Variants in FHIT observed in about 807,000 individuals in gnomAD.
FHIT encodes bis(5'-adenosyl)-triphosphatase.
FHIT carries 19 observed loss-of-function variants against 17.9 expected under a neutral mutation model. That is an observed-to-expected ratio of 1.06 (90% CI 0.74 to 1.56). FHIT has a LOEUF of 1.56. FHIT is among the 40% of genes most tolerant of loss of function. The pLI, the probability that FHIT is intolerant of heterozygous loss-of-function variation, is 0.00. For missense variants in FHIT, 248 were observed against 189.2 expected (o/e 1.31, Z -1.82); for synonymous variants, 81 against 69.7 (o/e 1.16, Z -0.81).
intron 5 of FHIT, among the ~76,000 whole-genome samples, chr3:60,523,966 A>G (rs2035474892): frequency 6.6e-6 from 1 of 152,164 alleles, no homozygotes; most frequent in Non-Finnish European, 1.5e-5. Context: ...CTGGTGTGAG[A>G]ACTTACCACA....
intron 4 of FHIT, among the ~76,000 whole-genome samples, chr3:60,669,785 A>G (rs1376599177): frequency 1.3e-5 from 2 of 152,206 alleles, no homozygotes; most frequent in African/African-American, 4.8e-5. Flanking sequence ...GCTGGGGCTC[A>G]GAAATAGGAA....
At chr3:61,009,988 T>G (rs1460230651) in intron 3 of FHIT, among the ~76,000 whole-genome samples, 1 of 152,110 alleles carries the variant, frequency 6.6e-6, no homozygotes, top group Non-Finnish European at 1.5e-5. Flanking sequence ...TGCAGAAGAT[T>G]TACATTAACA....
At chr3:59,817,562 T>TAA (rs10691937) in intron 8 of FHIT, among the ~76,000 whole-genome samples, 49,929 of 93,456 alleles carry the variant, frequency 0.53, 12,847 homozygotes, top group Middle Eastern at 0.69. Context: ...CACCCGTCAC[T>TAA]AAAAAAAAAA....
At chr3:60,182,848 A>T (rs900740306) in intron 5 of FHIT, among the ~76,000 whole-genome samples, 44 of 151,892 alleles carry the variant, frequency 2.9e-4, no homozygotes, top group Admixed American at 2.7e-3. Flanking sequence ...TATTCTCTAT[A>T]AATGCTGCCA....
chr3:60,058,411 G>C (rs212000), intron 5 of FHIT, among the ~76,000 whole-genome samples: 7 of 152,120 alleles, frequency 4.6e-5, no homozygotes, highest in Non-Finnish European at 7.4e-5. Flanking sequence ...TTACAGGCGT[G>C]AGCCACCGTG....
intron 4 of FHIT, among the ~76,000 whole-genome samples, chr3:60,786,453 T>C (rs1328069289): frequency 6.6e-6 from 1 of 152,182 alleles, no homozygotes; most frequent in Admixed American, 6.5e-5. Flanking sequence ...ATGGAGATGG[T>C]TCAAATGCTA....
At chr3:60,660,303 G>T (rs764914263) in intron 4 of FHIT, among the ~76,000 whole-genome samples, 2 of 152,154 alleles carry the variant, frequency 1.3e-5, no homozygotes, top group Non-Finnish European at 2.9e-5. Context: ...TCAGAGAACA[G>T]ATTCCTGATT....
At chr3:60,300,466 G>A (rs1300185561) in intron 5 of FHIT, among the ~76,000 whole-genome samples, 1 of 152,038 alleles carries the variant, frequency 6.6e-6, no homozygotes. Context: ...TACTAGCCTT[G>A]CATCTCTAAA....
At chr3:60,938,914 T>A (rs1201335638) in intron 3 of FHIT, among the ~76,000 whole-genome samples, 1 of 152,254 alleles carries the variant, frequency 6.6e-6, no homozygotes, top group Non-Finnish European at 1.5e-5. Context: ...GGTTAAAATA[T>A]GTTCATTGTA....
intron 5 of FHIT, among the ~76,000 whole-genome samples, chr3:60,401,001 AAC>A (rs1701636531): frequency 6.6e-6 from 1 of 152,106 alleles, no homozygotes; most frequent in African/African-American, 2.4e-5. Context: ...CTTTACAGAG[AAC>A]AGTTCAAAAC....
intron 5 of FHIT, among the ~76,000 whole-genome samples, chr3:60,142,622 C>G (rs1700086606): frequency 1.3e-5 from 2 of 152,024 alleles, no homozygotes; most frequent in African/African-American, 4.8e-5. Flanking sequence ...CTGCCTCAGC[C>G]ACCCAAGTAG....
intron 5 of FHIT, among the ~76,000 whole-genome samples, chr3:60,332,497 T>C (rs1284877886): frequency 3.3e-5 from 5 of 152,082 alleles, no homozygotes; most frequent in African/African-American, 7.2e-5. Context: ...GCAACAGAAA[T>C]AGACAAACTA....
chr3:61,181,126 G>C (rs1335126013), intron 2 of FHIT, among the ~76,000 whole-genome samples: 1 of 152,144 alleles, frequency 6.6e-6, no homozygotes, highest in African/African-American at 2.4e-5. Flanking sequence ...TTGGGGACAT[G>C]AGAAGCCTAA....
intron 4 of FHIT, among the ~76,000 whole-genome samples, chr3:60,801,344 C>T (rs1185898461): frequency 6.6e-6 from 1 of 152,214 alleles, no homozygotes; most frequent in Non-Finnish European, 1.5e-5. Context: ...TCAGGTCACA[C>T]TTGCCCTAAC....
intron 1 of FHIT, among the ~76,000 whole-genome samples, chr3:61,204,332 G>C (rs1183291526): frequency 6.6e-6 from 1 of 152,062 alleles, no homozygotes; most frequent in Non-Finnish European, 1.5e-5. Flanking sequence ...AGAGGTATCT[G>C]GACAATCAGT....
intron 4 of FHIT, among the ~76,000 whole-genome samples, chr3:60,631,880 A>G (rs2039452705): frequency 1.3e-5 from 2 of 152,172 alleles, no homozygotes; most frequent in South Asian, 4.1e-4. Flanking sequence ...TTCTTCTGAG[A>G]TGAAACATGA....
intron 3 of FHIT, among the ~76,000 whole-genome samples, chr3:60,864,446 A>G (rs1305328785): frequency 1.3e-5 from 2 of 152,180 alleles, no homozygotes; most frequent in African/African-American, 4.8e-5. Flanking sequence ...TCATTGCAGA[A>G]GGGTGAGGAG....
At chr3:59,867,063 T>C (rs2106879366) in intron 8 of FHIT, among the ~76,000 whole-genome samples, 1 of 150,320 alleles carries the variant, frequency 6.7e-6, no homozygotes, top group South Asian at 2.1e-4. Context: ...CACCCTCTTT[T>C]ACAACCACAC....
Position 60,898,285 on chromosome 3 carries a change from T to TA in FHIT, c.-110-76275dup, listed in dbSNP as rs529187532. ...AACCAAATATTGTGCTCTTAGGATT[T>TA]AAAAAAAATATCGTAAACAACTCTG... On this transcript the variant is annotated intron_variant, in intron 3 of 9. Coordinates refer to ENST00000492590, the MANE Select transcript of FHIT (RefSeq NM_002012.4). Among the ~76,000 whole-genome samples, 18 of 152,102 alleles carry TA rather than the reference T, an allele frequency of 1.2e-4. No homozygotes were observed. The South Asian group carries it at 3.1e-3, about 26-fold the overall frequency.
Sources: allele counts gnomAD v4.1 joint callset (sites outside exome capture counted in the v4.1 genomes callset), GRCh38; gene constraint gnomAD v4.1.1; transcripts MANE v1.5; gene names NCBI Gene and HGNC (gene_info 2026-07-23, HGNC 2026-07-21).